The following TTLL5 variants were observed in gnomAD, a reference collection of about 807,000 sequenced individuals.
TTLL5 encodes tubulin polyglutamylase TTLL5.
In TTLL5, 132 loss-of-function variants were observed where a neutral mutation model predicts 168.4. The ratio of observed to expected loss-of-function variants is 0.78; its 90% CI spans 0.68 to 0.91. The LOEUF is 0.91. Ranked by LOEUF, TTLL5 falls within the 40% of genes least tolerant of loss-of-function variation. The pLI is 0.00. For synonymous variants in TTLL5, 546 were observed against 558.6 expected, an observed-to-expected ratio of 0.98 and a Z score of 0.32; for missense variants, 1,545 against 1,581.5, an observed-to-expected ratio of 0.98 and a Z score of 0.39.
At chr14:75,930,660 G>A (rs2034246631) in intron 31 of TTLL5, 1 of 985,060 alleles carries the variant, frequency 1.0e-6, no homozygotes, top group South Asian at 4.7e-5. Flanking sequence ...AGTGACGGGG[G>A]GAAATGCAAA....
At chr14:75,814,541 G>A (rs1424109339) in intron 27 of TTLL5, 2 of 152,190 alleles carry the variant, frequency 1.3e-5, no homozygotes, top group African/African-American at 4.8e-5. Context: ...CCGATACTGG[G>A]AGATTTTCCC....
chr14:75,875,236 A>AT (rs1040473519), intron 29 of TTLL5, among the ~76,000 whole-genome samples: 1 of 148,564 alleles, frequency 6.7e-6, no homozygotes, highest in African/African-American at 2.5e-5. Context: ...CGCGGCCTAT[A>AT]TTTTTTAACT....
At chr14:75,911,391 G>A (rs543578367) in intron 31 of TTLL5, among the ~76,000 whole-genome samples, 4 of 152,194 alleles carry the variant, frequency 2.6e-5, no homozygotes, top group Admixed American at 6.5e-5. Flanking sequence ...ACTTGCCTTC[G>A]CTATAATAAA....
intron 18 of TTLL5, among the ~76,000 whole-genome samples, chr14:75,762,855 G>A (rs1490307967): frequency 6.6e-6 from 1 of 152,168 alleles, no homozygotes; most frequent in East Asian, 1.9e-4. Context: ...CAATGTAGAC[G>A]GTATAATGTA....
rs1166795655 is a variant in TTLL5 at position 75,918,825 on chromosome 14, C to T, written c.3823+16601C>T. Among the ~76,000 whole-genome samples, 5 of 152,094 alleles carry T rather than the reference C, an allele frequency of 3.3e-5. No homozygotes were observed. In the South Asian group the frequency reaches 1.0e-3, roughly 32 times the overall value. ...TTATTATGATAGTAAATTCTGTTCA[C>T]GAATGTTGTCTTCCTAAGATTTGCT... On this transcript the variant is annotated intron_variant, in intron 31 of 31. Transcript: ENST00000298832.
chr14:75,908,789 T>TA lies in TTLL5; in HGVS notation c.3823+6565_3823+6566insA, dbSNP rs199649160. ...CTTATTTTCTGTATGTATATATATA[T>TA]TTTTTTAGACAGGGTCTTGCTCTGT... On this transcript the variant is annotated intron_variant, in intron 31 of 31. Coordinates refer to ENST00000298832, the MANE Select transcript of TTLL5 (RefSeq NM_015072.5). 1.5e-3 allele frequency among the ~76,000 whole-genome samples: 221 copies of TA among 152,168 alleles called. 2 individuals are homozygous for TA. The East Asian group carries it at 0.022, about 15-fold the overall frequency.
At chr14:75,952,446 A>G (rs1171202357) in intron 31 of TTLL5, among the ~76,000 whole-genome samples, 1 of 152,266 alleles carries the variant, frequency 6.6e-6, no homozygotes. Flanking sequence ...TTTTGGAAAC[A>G]GTTTGACAGT....
chr14:75,790,094 GA>G (rs1232413225), intron 26 of TTLL5, among the ~76,000 whole-genome samples: 2 of 152,162 alleles, frequency 1.3e-5, no homozygotes, highest in Non-Finnish European at 2.9e-5. Flanking sequence ...TAGATCAGAA[GA>G]AAGGGAGAGA....
Position 75,696,842 on chromosome 14 carries a change from A to C in TTLL5, c.503-2346A>C, listed in dbSNP as rs540185137. ...GCGTATATAACATACATTGCCCTGCACTTTGTTTTTTTCATTTAACAGGCT... is the reference window on the plus strand; with the variant it reads ...GCGTATATAACATACATTGCCCTGCCCTTTGTTTTTTTCATTTAACAGGCT... On this transcript the variant is annotated intron_variant, in intron 6 of 31. Coordinates refer to ENST00000298832, the MANE Select transcript of TTLL5 (RefSeq NM_015072.5). Among the ~76,000 whole-genome samples the C allele has an allele frequency of 3.2e-4, 48 of 152,272 alleles. 1 individual carries two copies. The highest frequency in any genetic ancestry group is 3.4e-3 in the Middle Eastern group (1 of 294).
intron 12 of TTLL5, among the ~76,000 whole-genome samples, chr14:75,721,247 A>G (rs1887818153): frequency 6.6e-6 from 1 of 151,820 alleles, no homozygotes; most frequent in African/African-American, 2.4e-5. Flanking sequence ...TTGACTGCAC[A>G]GAGAAGGAAT....
chr14:75,731,374 TACACACACACAC>T (rs3031047), intron 12 of TTLL5, among the ~76,000 whole-genome samples: 15,048 of 139,228 alleles, frequency 0.11, 928 homozygotes, highest in East Asian at 0.21. Context: ...TACACATACA[TACACACACACAC>T]ACACACACAC....
chr14:75,841,056 G>A (rs1037174954), intron 28 of TTLL5, among the ~76,000 whole-genome samples: 9 of 152,078 alleles, frequency 5.9e-5, no homozygotes, highest in African/African-American at 1.4e-4. Context: ...ACCAGATTTC[G>A]TGTGAACGAA....
intron 29 of TTLL5, among the ~76,000 whole-genome samples, chr14:75,882,344 A>T (rs1022255565): frequency 6.6e-6 from 1 of 152,214 alleles, no homozygotes; most frequent in Non-Finnish European, 1.5e-5. Flanking sequence ...CGAAAGAGAC[A>T]TTCATTAAAA....
At chr14:75,811,123 AG>A (rs1270883060) in intron 27 of TTLL5, among the ~76,000 whole-genome samples, 1 of 8,448 alleles carries the variant, frequency 1.2e-4, no homozygotes, top group South Asian at 2.6e-3. Flanking sequence ...GGAGAAATAG[AG>A]GGGGTGGGGA....
chr14:75,928,342 C>CATAT (rs3034073), intron 31 of TTLL5, among the ~76,000 whole-genome samples: 4,406 of 81,944 alleles, frequency 0.054, 426 homozygotes, highest in Non-Finnish European at 0.065. Context: ...ATGACAAAAA[C>CATAT]ATATATATAT....
intron 31 of TTLL5, among the ~76,000 whole-genome samples, chr14:75,936,528 G>T (rs2034437814): frequency 6.6e-6 from 1 of 152,100 alleles, no homozygotes; most frequent in Non-Finnish European, 1.5e-5. Context: ...TCTTCCATGT[G>T]GCAAGATCAG....
chr14:75,773,543 A>T (rs1159056429), intron 21 of TTLL5, among the ~76,000 whole-genome samples: 2 of 152,194 alleles, frequency 1.3e-5, no homozygotes, highest in Non-Finnish European at 2.9e-5. Flanking sequence ...CTACAAGAAT[A>T]TTGAGGATCA....
chr14:75,845,261 C>T (rs1057098830), intron 28 of TTLL5, among the ~76,000 whole-genome samples: 7 of 152,072 alleles, frequency 4.6e-5, no homozygotes, highest in African/African-American at 1.7e-4. Flanking sequence ...TAAATATATC[C>T]ATTATGTGTT....
intron 31 of TTLL5, among the ~76,000 whole-genome samples, chr14:75,911,046 C>CA (rs563362918): frequency 1.1e-3 from 164 of 152,164 alleles, no homozygotes; most frequent in African/African-American, 3.3e-3. Flanking sequence ...TTTTTTGAGT[C>CA]AGAGTCTCGC....
Sources: gnomAD v4.1 joint callset for allele counts (sites outside exome capture counted in the v4.1 genomes callset) on GRCh38, gnomAD v4.1.1 for gene constraint, MANE v1.5 for transcripts, NCBI Gene and HGNC (gene_info 2026-07-23, HGNC 2026-07-21) for gene names.